The following PARD3 variants were observed in gnomAD, a reference collection of about 807,000 sequenced individuals.
PARD3 encodes partitioning defective 3 homolog.
Under a neutral mutation model 155.4 loss-of-function variants are expected in PARD3, and 75 were observed. The ratio of observed to expected loss-of-function variants is 0.48; its 90% CI spans 0.40 to 0.58. The LOEUF is 0.58. Ranked by LOEUF, PARD3 falls within the 20% of genes least tolerant of loss-of-function variation. The pLI is 0.00. For missense variants in PARD3, 1,642 were observed against 1,721.7 expected (o/e 0.95, Z 0.82); for synonymous variants, 576 against 610.5 (o/e 0.94, Z 0.83).
chr10:34,780,365 A>G (rs1251987924), intron 1 of PARD3, among the ~76,000 whole-genome samples: 2 of 152,218 alleles, frequency 1.3e-5, no homozygotes, highest in Non-Finnish European at 2.9e-5. Context: ...ACACGTTTGT[A>G]ATGATGTTGA....
chr10:34,157,060 T>C (rs934896035), intron 22 of PARD3, among the ~76,000 whole-genome samples: 1 of 152,228 alleles, frequency 6.6e-6, no homozygotes, highest in Non-Finnish European at 1.5e-5. Context: ...AAAAACCTCA[T>C]TTTATAGCTG....
intron 2 of PARD3, among the ~76,000 whole-genome samples, chr10:34,619,156 T>A (rs1464581260): frequency 2.0e-5 from 3 of 151,448 alleles, no homozygotes; most frequent in Admixed American, 2.0e-4. Context: ...GTTCAAGCAA[T>A]TCTTGTGCCT....
chr10:34,314,702 G>T lies in PARD3; in HGVS notation c.3065+2405C>A, dbSNP rs1254742163. 2.0e-5 allele frequency among the ~76,000 whole-genome samples: 3 copies of T among 152,178 alleles called. No individual in the cohort carries two copies. In the East Asian group the frequency reaches 5.8e-4, roughly 29 times the overall value. On this transcript the variant is annotated intron_variant, in intron 20 of 24. Transcript: ENST00000374788. ...ACTAAACACGGGGCCGGGAAAAGCT[G>T]CACAGTCGTCATTATATAGTATTAG...
intron 9 of PARD3, among the ~76,000 whole-genome samples, chr10:34,378,426 G>C (rs773470885): frequency 4.6e-5 from 7 of 152,020 alleles, no homozygotes; most frequent in Non-Finnish European, 7.4e-5. Flanking sequence ...TTCACTACAT[G>C]AAGAAAGAAA....
At chr10:34,306,542 G>A (rs1015750621) in intron 20 of PARD3, among the ~76,000 whole-genome samples, 11 of 151,798 alleles carry the variant, frequency 7.2e-5, no homozygotes, top group East Asian at 2.0e-4. Flanking sequence ...CCAGCTACTC[G>A]GGAGGCTGAG....
chr10:34,201,840 A>G (rs1214110310), intron 22 of PARD3: 2 of 152,170 alleles, frequency 1.3e-5, no homozygotes, highest in Non-Finnish European at 2.9e-5. Context: ...TTCACTGAGC[A>G]CTCACTTCTG....
chr10:34,429,733 C>G (rs1181038446), intron 5 of PARD3, among the ~76,000 whole-genome samples: 1 of 152,026 alleles, frequency 6.6e-6, no homozygotes, highest in African/African-American at 2.4e-5. Context: ...TTACAGATGC[C>G]CATCAACATG....
rs185397412 is a variant in PARD3, at chr10:34,442,742, G to A, written c.714+7575C>T. Among the ~76,000 whole-genome samples, 46 of 152,214 alleles carry A rather than the reference G, an allele frequency of 3.0e-4. 1 individual carries two copies. In the East Asian group the frequency reaches 6.2e-3, roughly 20 times the overall value. On this transcript the variant is annotated intron_variant, in intron 5 of 24. Transcript: ENST00000374788. ...TTTAATTAGCCAGGAGTGATGGTGT[G>A]CATCAGTAGTCCCAGCTGCTCAGAA... is the stretch of plus-strand genomic sequence containing the variant.
chr10:34,778,694 T>C (rs964348365), intron 1 of PARD3, among the ~76,000 whole-genome samples: 2 of 152,218 alleles, frequency 1.3e-5, no homozygotes, highest in African/African-American at 4.8e-5. Flanking sequence ...CTCTAAATTC[T>C]ATTTTATGAA....
intron 22 of PARD3, among the ~76,000 whole-genome samples, chr10:34,233,241 G>C (rs1317371488): frequency 2.0e-5 from 3 of 151,900 alleles, no homozygotes; most frequent in African/African-American, 7.3e-5. Context: ...AGGTCCGCTA[G>C]AAACAGTGGA....
At chr10:34,276,384 AAC>A (rs1379248681) in intron 21 of PARD3, among the ~76,000 whole-genome samples, 1 of 152,188 alleles carries the variant, frequency 6.6e-6, no homozygotes, top group Non-Finnish European at 1.5e-5. Context: ...AATTCATGCT[AAC>A]AGTCTCTCTT....
In PARD3 at chr10:34,165,997, C is replaced by T. The variant is rs935814497; in HGVS notation, c.3420-34414G>A. On this transcript the variant is annotated intron_variant, in intron 22 of 24. Transcript: ENST00000374788. ...TCCTCTATTTCTATTATCCCTTTAT[C>T]GGTTAATGCTATCGCTATTCTGTTT... Among the ~76,000 whole-genome samples the T allele has an allele frequency of 3.3e-5, 5 of 152,174 alleles. No homozygotes were observed. The East Asian group carries it at 5.8e-4, about 18-fold the overall frequency.
In PARD3 at chr10:34,382,751, A is replaced by G; in HGVS notation, c.1188T>C (p.Ser396=). The change falls in exon 9 of 25, where the codon AGT becomes AGC. Residue 396 remains serine, a synonymous_variant. Transcript: ENST00000374788. ...CTCTCTGCACCGTGTGAAGCCCTGC[A>G]CTGTTCACACTCCTGTTGTCAATAT... is the stretch of plus-strand genomic sequence containing the variant. ...SQYIDNRSVN[S]AGLHTVQRAP... 1 of 1,614,212 alleles carries G rather than the reference A, an allele frequency of 6.2e-7. No homozygotes were observed. Among genetic ancestry groups the G allele is most frequent in the Non-Finnish European group, 8.5e-7 (1 of 1,180,026 alleles).
At chr10:34,213,694 G>A (rs570912309) in intron 22 of PARD3, among the ~76,000 whole-genome samples, 5 of 152,266 alleles carry the variant, frequency 3.3e-5, no homozygotes, top group Non-Finnish European at 7.4e-5. Context: ...GCAGAGATAA[G>A]ATGGCTACAT....
chr10:34,398,550 TAAATTAAAC>T (rs992285508), intron 7 of PARD3, among the ~76,000 whole-genome samples: 1 of 152,182 alleles, frequency 6.6e-6, no homozygotes, highest in African/African-American at 2.4e-5. Flanking sequence ...AAGATGCAAT[TAAATTAAAC>T]AAGTTAAACA....
chr10:34,658,390 A>C (rs949426918), intron 2 of PARD3, among the ~76,000 whole-genome samples: 3 of 152,160 alleles, frequency 2.0e-5, no homozygotes, highest in Non-Finnish European at 4.4e-5. Flanking sequence ...TCCTTAATAT[A>C]AGGAAGAGGG....
intron 2 of PARD3, among the ~76,000 whole-genome samples, chr10:34,542,226 T>TGC (rs2083671193): frequency 4.8e-4 from 2 of 4,162 alleles, no homozygotes. Context: ...TGTGTGTGTG[T>TGC]GTGTGTGTGT....
At chr10:34,794,100 A>G (rs1010600469) in intron 1 of PARD3, among the ~76,000 whole-genome samples, 1 of 149,418 alleles carries the variant, frequency 6.7e-6, no homozygotes, top group Non-Finnish European at 1.5e-5. Flanking sequence ...ACACTCCCAC[A>G]GTCAGCGGGG....
At chr10:34,183,725 A>G (rs998930598) in intron 22 of PARD3, among the ~76,000 whole-genome samples, 3 of 152,010 alleles carry the variant, frequency 2.0e-5, no homozygotes, top group African/African-American at 7.3e-5. Context: ...ATAAGCAACC[A>G]CTTTTCTGCC....
Sources: allele counts gnomAD v4.1 joint callset (sites outside exome capture counted in the v4.1 genomes callset), GRCh38; gene constraint gnomAD v4.1.1; transcripts MANE v1.5; gene names NCBI Gene and HGNC (gene_info 2026-07-23, HGNC 2026-07-21).